ERCC8: variants seen among roughly 807,000 people sequenced by gnomAD.
ERCC8 encodes ERCC excision repair 8, CSA ubiquitin ligase complex subunit.
ERCC8 carries 52 observed loss-of-function variants against 54.9 expected under a neutral mutation model. The observed-to-expected ratio is 0.95, with a 90% CI of 0.76 to 1.19. The LOEUF (loss-of-function observed/expected upper bound fraction) is 1.19. Among genes scored for constraint, ERCC8 ranks in the 50% most tolerant of loss-of-function variants. The probability of loss-of-function intolerance (pLI) is 0.00; values close to 1 mark genes in which losing one functional copy is unlikely to be tolerated. For missense variants in ERCC8, 514 were observed against 466.1 expected, an observed-to-expected ratio of 1.10 and a Z score of -0.95; for synonymous variants, 146 against 157.2, an observed-to-expected ratio of 0.93 and a Z score of 0.53.
chr5:60,931,979 T>A (rs977124036), intron 1 of ERCC8: 1 of 152,236 alleles, frequency 6.6e-6, no homozygotes, highest in African/African-American at 2.4e-5. Flanking sequence ...GGCTCTGATT[T>A]CTGTCTCCTC....
intron 11 of ERCC8, among the ~76,000 whole-genome samples, chr5:60,878,722 T>G (rs964496314): frequency 1.4e-5 from 2 of 144,082 alleles, no homozygotes. Flanking sequence ...GATATCCCCT[T>G]TATCATTTTT....
Position 60,902,429 on chromosome 5 carries a change from A to C in ERCC8, c.617+13T>G. On this transcript the variant is annotated intron_variant, in intron 7 of 11. Coordinates refer to ENST00000676185, the MANE Select transcript of ERCC8 (RefSeq NM_000082.4). ...TAATTACTAACTTCAAAAGCAAATAAGTTAAATTTTACCTTGCTGTTGCCA... is the reference window on the plus strand; with the variant it reads ...TAATTACTAACTTCAAAAGCAAATACGTTAAATTTTACCTTGCTGTTGCCA... 3 of 1,597,878 alleles carry C rather than the reference A, an allele frequency of 1.9e-6. No homozygotes were observed. Among genetic ancestry groups the C allele is most frequent in the Non-Finnish European group, 2.6e-6 (3 of 1,165,876 alleles).
At chr5:60,944,112 T>C (rs910852252) in intron 1 of ERCC8, among the ~76,000 whole-genome samples, 4 of 152,134 alleles carry the variant, frequency 2.6e-5, no homozygotes, top group African/African-American at 9.7e-5. Context: ...ATTCAACTTC[T>C]TATACAAGGC....
chr5:60,932,767 CT>C (rs1238398952), intron 1 of ERCC8, among the ~76,000 whole-genome samples: 1 of 151,988 alleles, frequency 6.6e-6, no homozygotes, highest in African/African-American at 2.4e-5. Context: ...TGGGGATGGT[CT>C]TGAGGACTTC....
At chr5:60,876,933 T>C (rs1268556655) in intron 11 of ERCC8, among the ~76,000 whole-genome samples, 2 of 152,160 alleles carry the variant, frequency 1.3e-5, no homozygotes, top group African/African-American at 4.8e-5. Flanking sequence ...GCTTTTGGTG[T>C]TTTAGACATG....
At chr5:60,875,961 C>T (rs552956910) in intron 11 of ERCC8, among the ~76,000 whole-genome samples, 1 of 152,060 alleles carries the variant, frequency 6.6e-6, no homozygotes, top group East Asian at 1.9e-4. Context: ...CATATGTATA[C>T]ATGTGCCATG....
chr5:60,939,652 C>T (rs761125490), intron 1 of ERCC8, among the ~76,000 whole-genome samples: 17 of 151,850 alleles, frequency 1.1e-4, no homozygotes, highest in East Asian at 1.9e-4. Context: ...ACCCGGAGCA[C>T]GCCCGGCTGA....
intron 11 of ERCC8, among the ~76,000 whole-genome samples, chr5:60,875,265 A>G (rs1483092936): frequency 6.6e-6 from 1 of 152,232 alleles, no homozygotes; most frequent in African/African-American, 2.4e-5. Context: ...ATATTTAATT[A>G]CTTATTTTTA....
At chr5:60,904,549 G>T (rs561623972) in intron 5 of ERCC8, among the ~76,000 whole-genome samples, 1 of 147,808 alleles carries the variant, frequency 6.8e-6, no homozygotes, top group African/African-American at 2.5e-5. Flanking sequence ...TCTGAATCCT[G>T]GCCACAGCAT....
intron 9 of ERCC8, chr5:60,893,155 A>G: frequency 1.1e-6 from 1 of 889,700 alleles, no homozygotes; most frequent in Non-Finnish European, 1.9e-6. Flanking sequence ...CAGCAGCAGC[A>G]GCCTAATGGG....
chr5:60,935,273 T>C (rs906711916), intron 1 of ERCC8, among the ~76,000 whole-genome samples: 12 of 152,226 alleles, frequency 7.9e-5, no homozygotes, highest in Admixed American at 6.5e-5. Context: ...TATTCCTAAG[T>C]ATTTTATTTT....
chr5:60,939,594 C>T (rs567542722), intron 1 of ERCC8, among the ~76,000 whole-genome samples: 47 of 152,094 alleles, frequency 3.1e-4, no homozygotes, highest in Admixed American at 3.0e-3. Flanking sequence ...AAGAGATCCT[C>T]GTGCCTCAGC....
At chr5:60,903,485 A>G (rs1748959274) in intron 6 of ERCC8, 163 bp downstream of exon 6, 1 of 1,215,772 alleles carries the variant, frequency 8.2e-7, no homozygotes, top group Non-Finnish European at 1.1e-6. Flanking sequence ...GTTCAGTTTT[A>G]TAAGAATAAT....
At chr5:60,890,697 T>G (rs555172729) in intron 10 of ERCC8, among the ~76,000 whole-genome samples, 192 bp downstream of exon 10, 2 of 152,352 alleles carry the variant, frequency 1.3e-5, no homozygotes, top group East Asian at 3.8e-4. Flanking sequence ...TTGCACAGTA[T>G]TATATTGATT....
At chr5:60,918,484 TATGA>T in intron 3 of ERCC8, 96 bp from the exon 4 acceptor site, 1 of 1,067,792 alleles carries the variant, frequency 9.4e-7, no homozygotes, top group Non-Finnish European at 1.4e-6. Flanking sequence ...GGTAGGATGA[TATGA>T]ATGGCCAAAC....
At chr5:60,889,053 T>C (rs572591979) in intron 10 of ERCC8, among the ~76,000 whole-genome samples, 2 of 152,350 alleles carry the variant, frequency 1.3e-5, no homozygotes, top group East Asian at 3.9e-4. Flanking sequence ...GCAGTTACTT[T>C]GTAGACTGCC....
chr5:60,899,728 C>A lies in ERCC8; in HGVS notation c.618-1G>T, dbSNP rs201464610. ...CCATAATTTTACTCTACTGTCAGCA[C>A]TGAGAAGAAATAAATGTTACATTGA... On this transcript the variant is annotated splice_acceptor_variant, in intron 7 of 11. Transcript: ENST00000676185. LOFTEE classifies it high-confidence loss of function. 1.9e-6 allele frequency: 3 copies of A among 1,602,556 alleles called. No individual in the cohort carries two copies. The highest frequency in any genetic ancestry group is 2.6e-6 in the Non-Finnish European group (3 of 1,170,330).
intron 10 of ERCC8, among the ~76,000 whole-genome samples, 161 bp from the exon 11 acceptor site, chr5:60,887,681 G>C (rs1018534802): frequency 6.6e-6 from 1 of 152,036 alleles, no homozygotes; most frequent in Non-Finnish European, 1.5e-5. Flanking sequence ...TTGTTTCTTT[G>C]TTAGTAAAGC....
In ERCC8 at chr5:60,867,821, G is replaced by T. The variant is rs1407596265; in HGVS notation, c.*6794C>A. On this transcript the variant is annotated 3_prime_UTR_variant, in exon 12 of 12. Transcript: ENST00000676185. ...TACTGTTGCTAATCCTTGCCACAAT[G>T]GATGAAATGAACAAAAGAAAACTGG... is the stretch of plus-strand genomic sequence containing the variant. Among the ~76,000 whole-genome samples the T allele has an allele frequency of 6.6e-6, 1 of 152,170 alleles. No homozygotes were observed. The highest frequency in any genetic ancestry group is 6.5e-5 in the Admixed American group (1 of 15,278).
Sources: gnomAD v4.1 joint callset for allele counts (sites outside exome capture counted in the v4.1 genomes callset) on GRCh38, gnomAD v4.1.1 for gene constraint, MANE v1.5 for transcripts, NCBI Gene and HGNC (gene_info 2026-07-23, HGNC 2026-07-21) for gene names.